CADM1: variants seen among roughly 807,000 people sequenced by gnomAD.
The protein encoded by CADM1 is cell adhesion molecule 1, also known as TSLC-1.
A neutral mutation model predicts 53.1 loss-of-function variants in CADM1; 15 were observed. That is an observed-to-expected ratio of 0.28 (90% CI 0.19 to 0.44). The LOEUF (loss-of-function observed/expected upper bound fraction) is 0.44, where lower values mean the gene tolerates loss of function less well. Among genes scored for constraint, CADM1 ranks in the 20% least tolerant of loss-of-function variants. CADM1 has a pLI of 1.00. For synonymous variants in CADM1, 281 were observed against 243.0 expected, an observed-to-expected ratio of 1.16 and a Z score of -1.45; for missense variants, 434 against 611.3, an observed-to-expected ratio of 0.71 and a Z score of 3.06.
At chr11:115,330,490 G>A (rs1247900455) in intron 1 of CADM1, among the ~76,000 whole-genome samples, 1 of 152,054 alleles carries the variant, frequency 6.6e-6, no homozygotes, top group Non-Finnish European at 1.5e-5. Flanking sequence ...TTTGACCTTG[G>A]CCTTTAGTGC....
At chr11:115,307,406 C>T (rs1256633441) in intron 1 of CADM1, among the ~76,000 whole-genome samples, 1 of 151,474 alleles carries the variant, frequency 6.6e-6, no homozygotes, top group Non-Finnish European at 1.5e-5. Context: ...ACCAAAAATG[C>T]AGTTACCCTG....
intron 1 of CADM1, among the ~76,000 whole-genome samples, chr11:115,293,125 C>CT (rs1022148666): frequency 2.0e-5 from 3 of 152,122 alleles, no homozygotes; most frequent in South Asian, 2.1e-4. Context: ...TTTCCAATGA[C>CT]TTTTTTTATA....
chr11:115,395,765 A>C (rs951456446), intron 1 of CADM1, among the ~76,000 whole-genome samples: 1 of 152,214 alleles, frequency 6.6e-6, no homozygotes, highest in Non-Finnish European at 1.5e-5. Context: ...GGCAAGAAAA[A>C]AATCCTAAAC....
At chr11:115,323,246 A>G (rs1944870407) in intron 1 of CADM1, among the ~76,000 whole-genome samples, 1 of 152,156 alleles carries the variant, frequency 6.6e-6, no homozygotes, top group Non-Finnish European at 1.5e-5. Flanking sequence ...AGATAAATGT[A>G]TTATAATTTT....
chr11:115,332,440 T>C (rs1813585921), intron 1 of CADM1, among the ~76,000 whole-genome samples: 1 of 152,148 alleles, frequency 6.6e-6, no homozygotes, highest in African/African-American at 2.4e-5. Flanking sequence ...CTACGAGATC[T>C]GGGTATTAGT....
intron 10 of CADM1, among the ~76,000 whole-genome samples, chr11:115,182,008 A>G (rs1565282006): frequency 6.6e-6 from 1 of 152,200 alleles, no homozygotes; most frequent in Non-Finnish European, 1.5e-5. Flanking sequence ...TCCATTCCCA[A>G]GGCAAGGACT....
In CADM1 at chr11:115,173,726, A is replaced by G; in HGVS notation, c.*2748T>C. The G allele has an allele frequency of 1.1e-6, 1 of 870,688 alleles. No individual in the cohort carries two copies. Among genetic ancestry groups the G allele is most frequent in the Non-Finnish European group, 1.4e-6 (1 of 726,246 alleles). The allele number at this position is 870,688 out of a possible 1,614,324, so 53.9% of individuals were successfully genotyped here. A position where few individuals can be genotyped will look rare whatever the true frequency, so the allele number is the denominator to read the frequency against. On this transcript the variant is annotated 3_prime_UTR_variant, in exon 12 of 12. Coordinates refer to ENST00000331581, the MANE Select transcript of CADM1 (RefSeq NM_001301043.2). Reference sequence around the variant, plus strand: ...GTAAAAATGGTATACATGAACCAATACAAAATGCGAATGGGAACATATGGA... The same window carrying G: ...GTAAAAATGGTATACATGAACCAATGCAAAATGCGAATGGGAACATATGGA...
At chr11:115,373,504 G>A (rs1946359783) in intron 1 of CADM1, among the ~76,000 whole-genome samples, 2 of 144,022 alleles carry the variant, frequency 1.4e-5, no homozygotes, top group Admixed American at 1.5e-4. Context: ...AGAATTGCAT[G>A]AACCTGGGAG....
intron 1 of CADM1, among the ~76,000 whole-genome samples, chr11:115,436,544 G>A (rs1435419655): frequency 6.6e-6 from 1 of 152,124 alleles, no homozygotes; most frequent in East Asian, 1.9e-4. Flanking sequence ...TACAGCTGAG[G>A]TAATAACAAT....
intron 8 of CADM1, among the ~76,000 whole-genome samples, chr11:115,207,568 G>A (rs554292262): frequency 1.3e-5 from 2 of 151,920 alleles, no homozygotes; most frequent in African/African-American, 4.8e-5. Flanking sequence ...GGAGTTCAGC[G>A]AGTGCTAAGA....
rs185819372 is a variant in CADM1, at chr11:115,352,864, C to A, written c.125-112444G>T. Among the ~76,000 whole-genome samples, 133 of 152,130 alleles carry A rather than the reference C, an allele frequency of 8.7e-4. 1 individual carries two copies. Among genetic ancestry groups the A allele is most frequent in the Middle Eastern group, 3.4e-3 (1 of 294 alleles). ...GTCACAGCCAGATTTCCAGGCCAGG[C>A]AGTACAGCTCCATAGTATTCCACGG... On this transcript the variant is annotated intron_variant, in intron 1 of 11. Coordinates refer to ENST00000331581, the MANE Select transcript of CADM1 (RefSeq NM_001301043.2).
chr11:115,228,731 G>A (rs191542306), intron 5 of CADM1, among the ~76,000 whole-genome samples: 12 of 152,124 alleles, frequency 7.9e-5, no homozygotes, highest in African/African-American at 2.7e-4. Flanking sequence ...ACAAAATGCC[G>A]ACGTAAATGG....
At chr11:115,270,358 G>C (rs1943263577) in intron 1 of CADM1, among the ~76,000 whole-genome samples, 1 of 152,136 alleles carries the variant, frequency 6.6e-6, no homozygotes, top group African/African-American at 2.4e-5. Context: ...GGGGAAAAAT[G>C]TTGATTCAGC....
At chr11:115,482,237 G>A (rs1949273526) in intron 1 of CADM1, among the ~76,000 whole-genome samples, 1 of 152,156 alleles carries the variant, frequency 6.6e-6, no homozygotes, top group African/African-American at 2.4e-5. Flanking sequence ...TCTCCATAGT[G>A]AGTTAGACAT....
chr11:115,179,286 A>G (rs189369332), intron 10 of CADM1, among the ~76,000 whole-genome samples: 7 of 152,376 alleles, frequency 4.6e-5, no homozygotes, highest in Admixed American at 2.6e-4. Flanking sequence ...AACAAGGATT[A>G]TAAGACTAAA....
intron 1 of CADM1, among the ~76,000 whole-genome samples, chr11:115,381,219 C>T (rs766469473): frequency 1.3e-5 from 2 of 149,676 alleles, no homozygotes; most frequent in Non-Finnish European, 3.0e-5. Flanking sequence ...ACTTGAACCT[C>T]GGGGGTGGAG....
intron 1 of CADM1, among the ~76,000 whole-genome samples, chr11:115,254,545 GACAA>G (rs1298580009): frequency 7.7e-6 from 1 of 129,750 alleles, no homozygotes. Context: ...GCGCAAGGGA[GACAA>G]ACACACACAC....
chr11:115,294,860 C>T (rs897751567), intron 1 of CADM1, among the ~76,000 whole-genome samples: 1 of 152,082 alleles, frequency 6.6e-6, no homozygotes, highest in Admixed American at 6.5e-5. Flanking sequence ...CATGGTGAAA[C>T]TCCGTCTCTA....
At chr11:115,214,413 A>G (rs1941088390) in intron 7 of CADM1, 195 bp downstream of exon 7, 9 of 612,478 alleles carry the variant, frequency 1.5e-5, no homozygotes, top group Admixed American at 2.6e-5. Context: ...AACACCCACC[A>G]TTAGAGGGAG....
Sources: allele counts gnomAD v4.1 joint callset (sites outside exome capture counted in the v4.1 genomes callset), GRCh38; gene constraint gnomAD v4.1.1; transcripts MANE v1.5; gene names NCBI Gene and HGNC (gene_info 2026-07-23, HGNC 2026-07-21).